RNGTT: variants seen among roughly 807,000 people sequenced by gnomAD.
RNGTT encodes mRNA-capping enzyme.
A neutral mutation model predicts 79.3 loss-of-function variants in RNGTT; 33 were observed. That is an observed-to-expected ratio of 0.42 (90% CI 0.32 to 0.56). RNGTT has a LOEUF of 0.56. Ranked by LOEUF, RNGTT falls within the 20% of genes least tolerant of loss-of-function variation. The probability of loss-of-function intolerance (pLI) is 0.17; values close to 1 mark genes in which losing one functional copy is unlikely to be tolerated. For missense variants in RNGTT, 497 were observed against 739.1 expected (o/e 0.67, Z 3.80); for synonymous variants, 222 against 235.9 (o/e 0.94, Z 0.54).
Position 88,659,468 on chromosome 6 carries a change from A to C in RNGTT, c.1506+18885T>G, listed in dbSNP as rs115963017. The stretch of plus-strand genomic sequence containing the variant: ...AAGAAAGGACAATTACAACTTCTGG[A>C]AGTAAAAGACACACTTAGAGAAATG... On this transcript the variant is annotated intron_variant, in intron 14 of 15. Transcript: ENST00000369485. Among the ~76,000 whole-genome samples the C allele has an allele frequency of 3.1e-3, 466 of 152,318 alleles. 3 individuals are homozygous for C. The highest frequency in any genetic ancestry group is 9.1e-3 in the African/African-American group (377 of 41,572).
chr6:88,636,860 A>C (rs1773119245), intron 14 of RNGTT, among the ~76,000 whole-genome samples: 1 of 151,904 alleles, frequency 6.6e-6, no homozygotes, highest in Non-Finnish European at 1.5e-5. Context: ...TATCTTCCTC[A>C]TCTTGCTACA....
At chr6:88,952,092 GAAGT>G (rs1439874849) in intron 1 of RNGTT, among the ~76,000 whole-genome samples, 7 of 152,118 alleles carry the variant, frequency 4.6e-5, no homozygotes, top group Admixed American at 3.3e-4. Context: ...GTGCACCACA[GAAGT>G]AAGACCAGCC....
rs1009890751 is a variant in RNGTT at position 88,612,551 on chromosome 6, A to G, written c.*168T>C. On this transcript the variant is annotated 3_prime_UTR_variant, in exon 16 of 16. Coordinates refer to ENST00000369485, the MANE Select transcript of RNGTT (RefSeq NM_003800.5). Reference sequence around the variant, plus strand: ...ATTGCAGCACTGAGGAAACGAATGCATCAAGTATTTACAGGCTGGCTACGA... The same window carrying G: ...ATTGCAGCACTGAGGAAACGAATGCGTCAAGTATTTACAGGCTGGCTACGA... 7 of 678,206 alleles carry G rather than the reference A, an allele frequency of 1.0e-5. No individual in the cohort carries two copies. Among genetic ancestry groups the G allele is most frequent in the Middle Eastern group, 4.2e-4 (1 of 2,372 alleles). 42.0% of individuals were successfully genotyped at this position (678,206 alleles called of 1,614,324 possible). A position where few individuals can be genotyped will look rare whatever the true frequency, so the allele number is the denominator to read the frequency against.
intron 13 of RNGTT, among the ~76,000 whole-genome samples, chr6:88,712,629 T>C (rs1244566369): frequency 6.6e-6 from 1 of 152,226 alleles, no homozygotes; most frequent in Non-Finnish European, 1.5e-5. Context: ...AGTTTTATTA[T>C]AGGCATTGCT....
intron 14 of RNGTT, among the ~76,000 whole-genome samples, chr6:88,632,189 C>T (rs1459698148): frequency 3.3e-5 from 5 of 152,066 alleles, no homozygotes; most frequent in South Asian, 4.2e-4. Flanking sequence ...CTCAAACACC[C>T]GGGCTGAAGC....
chr6:88,853,123 C>T (rs146870658), intron 9 of RNGTT, among the ~76,000 whole-genome samples: 73 of 152,324 alleles, frequency 4.8e-4, no homozygotes, highest in African/African-American at 1.7e-3. Context: ...CTTACTTATG[C>T]TCAAAGATTC....
At chr6:88,715,469 A>C (rs935892131) in intron 13 of RNGTT, among the ~76,000 whole-genome samples, 2 of 152,168 alleles carry the variant, frequency 1.3e-5, no homozygotes, top group East Asian at 1.9e-4. Flanking sequence ...AAACTACTTT[A>C]AAGTTCATAT....
intron 14 of RNGTT, among the ~76,000 whole-genome samples, chr6:88,647,625 T>C (rs938016302): frequency 4.8e-5 from 7 of 147,306 alleles, no homozygotes; most frequent in Non-Finnish European, 8.9e-5. Context: ...GGTAGGAGGA[T>C]CACTTGAGCC....
At chr6:88,658,404 G>C (rs1160635212) in intron 14 of RNGTT, among the ~76,000 whole-genome samples, 1 of 152,224 alleles carries the variant, frequency 6.6e-6, no homozygotes, top group Non-Finnish European at 1.5e-5. Context: ...AAGATCTGAA[G>C]ATGGTTCACA....
chr6:88,863,495 T>C (rs903779647), intron 8 of RNGTT, among the ~76,000 whole-genome samples: 4 of 152,244 alleles, frequency 2.6e-5, no homozygotes, highest in Admixed American at 2.0e-4. Context: ...ATACCTACCA[T>C]AAAGAATCAA....
chr6:88,642,482 T>C (rs1009266213), intron 14 of RNGTT, among the ~76,000 whole-genome samples: 4 of 152,216 alleles, frequency 2.6e-5, no homozygotes, highest in African/African-American at 9.6e-5. Context: ...CTGAAGTAAG[T>C]ATATACAGTC....
chr6:88,868,857 ACT>A (rs1782264019), intron 8 of RNGTT, among the ~76,000 whole-genome samples: 1 of 152,036 alleles, frequency 6.6e-6, no homozygotes, highest in Non-Finnish European at 1.5e-5. Context: ...TCTTTTTCAT[ACT>A]CTCATGTTAT....
At chr6:88,913,218 A>AAAAC (rs1344068577) in intron 4 of RNGTT, among the ~76,000 whole-genome samples, 1 of 132,424 alleles carries the variant, frequency 7.6e-6, no homozygotes, top group African/African-American at 3.2e-5. Context: ...AAAAAACAAA[A>AAAAC]AAAAAAAACA....
rs540191714 is a variant in RNGTT, at chr6:88,791,775, G to A, written c.1338+9789C>T. Among the ~76,000 whole-genome samples, 15 of 152,258 alleles carry A rather than the reference G, an allele frequency of 9.9e-5. No homozygotes were observed. The South Asian group carries it at 1.9e-3, about 19-fold the overall frequency. ...AGGATGGTCTCGATCTCCTGACCTC[G>A]TGATCCGCCCGCCTTGGCCTCCCAA... On this transcript the variant is annotated intron_variant, in intron 12 of 15. Transcript: ENST00000369485.
intron 1 of RNGTT, among the ~76,000 whole-genome samples, chr6:88,951,291 A>G (rs998440386): frequency 6.6e-6 from 1 of 152,220 alleles, no homozygotes; most frequent in Admixed American, 6.5e-5. Flanking sequence ...ATCTAGCCCC[A>G]GTTAAGATGT....
chr6:88,758,869 G>A lies in RNGTT; in HGVS notation c.1439+10905C>T, dbSNP rs1778110289. On this transcript the variant is annotated intron_variant, in intron 13 of 15. Coordinates refer to ENST00000369485, the MANE Select transcript of RNGTT (RefSeq NM_003800.5). ...TTATTCTTTTTTATTTATTTTTGCT[G>A]TATTTTATTTATTTATTTTTTTATT... Among the ~76,000 whole-genome samples, 4 of 150,746 alleles carry A rather than the reference G, an allele frequency of 2.7e-5. No homozygotes were observed. The South Asian group carries it at 8.5e-4, about 32-fold the overall frequency.
In RNGTT at chr6:88,763,913, C is replaced by T. The variant is rs918199237; in HGVS notation, c.1439+5861G>A. Among the ~76,000 whole-genome samples the T allele has an allele frequency of 2.0e-5, 3 of 152,158 alleles. No individual in the cohort carries two copies. In the South Asian group the frequency reaches 6.2e-4, roughly 32 times the overall value. On this transcript the variant is annotated intron_variant, in intron 13 of 15. Coordinates refer to ENST00000369485, the MANE Select transcript of RNGTT (RefSeq NM_003800.5). Reference sequence around the variant, plus strand: ...ATTGACCAAGGAACCTGTTAGGCTACCATTTTTAAGTTGAAATCAGAACAA... The same window carrying T: ...ATTGACCAAGGAACCTGTTAGGCTATCATTTTTAAGTTGAAATCAGAACAA...
intron 6 of RNGTT, among the ~76,000 whole-genome samples, chr6:88,897,962 T>A (rs919308637): frequency 6.6e-6 from 1 of 152,010 alleles, no homozygotes; most frequent in Admixed American, 6.6e-5. Flanking sequence ...TGACCCCTCA[T>A]GAGAAAAAGA....
intron 11 of RNGTT, among the ~76,000 whole-genome samples, chr6:88,834,187 A>C (rs1370624641): frequency 2.0e-5 from 3 of 152,088 alleles, no homozygotes; most frequent in Non-Finnish European, 4.4e-5. Context: ...AAATATTTCA[A>C]ATATATATGG....
Sources: gnomAD v4.1 joint callset for allele counts (sites outside exome capture counted in the v4.1 genomes callset) on GRCh38, gnomAD v4.1.1 for gene constraint, MANE v1.5 for transcripts, NCBI Gene and HGNC (gene_info 2026-07-23, HGNC 2026-07-21) for gene names.